Variants in SASS6 observed in about 807,000 individuals in gnomAD.
SASS6 encodes SAS-6 centriolar assembly protein.
A neutral mutation model predicts 94.9 loss-of-function variants in SASS6; 59 were observed. That is an observed-to-expected ratio of 0.62 (90% confidence interval 0.50 to 0.77). SASS6 has a LOEUF of 0.77. Among genes scored for constraint, SASS6 ranks in the 30% least tolerant of loss-of-function variants. The pLI is 0.00. For missense variants in SASS6, 698 were observed against 734.1 expected, an observed-to-expected ratio of 0.95 and a Z score of 0.57; for synonymous variants, 264 against 270.0, an observed-to-expected ratio of 0.98 and a Z score of 0.22.
intron 7 of SASS6, among the ~76,000 whole-genome samples, chr1:100,113,549 A>T (rs1200822987): frequency 6.6e-6 from 1 of 151,488 alleles, no homozygotes; most frequent in Non-Finnish European, 1.5e-5. Context: ...TGAACCCGGG[A>T]GGCAGAGCTT....
chr1:100,121,727 A>G (rs1397252742), intron 4 of SASS6, among the ~76,000 whole-genome samples, 178 bp from the exon 5 acceptor site: 2 of 152,330 alleles, frequency 1.3e-5, no homozygotes, highest in East Asian at 1.9e-4. Flanking sequence ...GTGACTACAT[A>G]AAAGTCCATG....
intron 13 of SASS6, 111 bp from the exon 14 acceptor site, chr1:100,103,194 T>A: frequency 1.6e-6 from 1 of 639,802 alleles, no homozygotes; most frequent in Non-Finnish European, 2.7e-6. Flanking sequence ...AAGAGAGCAC[T>A]ATCTCAGACG....
intron 10 of SASS6, 21 bp downstream of exon 10, chr1:100,107,607 T>C: frequency 1.3e-6 from 2 of 1,562,124 alleles, no homozygotes; most frequent in East Asian, 4.5e-5. Flanking sequence ...AATACTAGTC[T>C]ATAAAATTTT....
At chr1:100,129,158 G>A (rs1254699134) in intron 1 of SASS6, among the ~76,000 whole-genome samples, 1 of 151,694 alleles carries the variant, frequency 6.6e-6, no homozygotes, top group Non-Finnish European at 1.5e-5. Context: ...GAGAGCTTAA[G>A]ACCAAGAGTT....
At chr1:100,119,169 T>C (rs754540901) in intron 6 of SASS6, 32 bp from the exon 7 acceptor site, 4 of 1,245,498 alleles carry the variant, frequency 3.2e-6, no homozygotes, top group South Asian at 3.3e-5. Flanking sequence ...AATATTAAGA[T>C]AGGCTCCTTA....
chr1:100,126,784 A>T (rs2101693727), intron 1 of SASS6, among the ~76,000 whole-genome samples: 1 of 152,344 alleles, frequency 6.6e-6, no homozygotes, highest in Admixed American at 6.5e-5. Context: ...AAAATAAAAT[A>T]AAATAAAATA....
Position 100,122,549 on chromosome 1 carries a change from C to CTTTTT in SASS6, c.207-70_207-66dup, listed in dbSNP as rs71075469. ...AATTAACTTTGTTTTGTTTTGGTGC[C>CTTTTT]TTTTTTTTTTTTTTTTTTTTTGAGA... On this transcript the variant is annotated intron_variant, in intron 3 of 16. Transcript: ENST00000287482. The CTTTTT allele has an allele frequency of 7.9e-4, 176 of 224,008 alleles. 5 individuals carry two copies. Among genetic ancestry groups the CTTTTT allele is most frequent in the African/African-American group, 2.2e-3 (63 of 28,922 alleles). 13.9% of individuals were successfully genotyped at this position (224,008 alleles called of 1,614,324 possible). A position where few individuals can be genotyped will look rare whatever the true frequency, so the allele number is the denominator to read the frequency against.
At chr1:100,125,325 G>A (rs1654525048) in intron 2 of SASS6, among the ~76,000 whole-genome samples, 1 of 150,198 alleles carries the variant, frequency 6.7e-6, no homozygotes, top group African/African-American at 2.4e-5. Flanking sequence ...ACTTCTAAGT[G>A]CACTGGGCAA....
intron 14 of SASS6, among the ~76,000 whole-genome samples, chr1:100,102,703 T>C (rs1652592522): frequency 6.7e-6 from 1 of 148,268 alleles, no homozygotes; most frequent in African/African-American, 2.5e-5. Flanking sequence ...AAGGAGAGGT[T>C]GAGTAGAAAT....
intron 1 of SASS6, among the ~76,000 whole-genome samples, chr1:100,127,870 A>G (rs535534813): frequency 3.5e-4 from 54 of 152,142 alleles, no homozygotes; most frequent in Non-Finnish European, 1.8e-4. Flanking sequence ...TTGTAAGATA[A>G]GTGGATTCAA....
At chr1:100,097,519 T>C (rs983552044) in intron 14 of SASS6, among the ~76,000 whole-genome samples, 1 of 152,100 alleles carries the variant, frequency 6.6e-6, no homozygotes, top group Non-Finnish European at 1.5e-5. Flanking sequence ...AAACACAGTA[T>C]ACTGAGTGAA....
chr1:100,120,522 A>G, intron 5 of SASS6, 63 bp from the exon 6 acceptor site: 2 of 756,092 alleles, frequency 2.6e-6, no homozygotes, highest in East Asian at 5.0e-5. Context: ...CATGCTACTC[A>G]AAGTATAGCA....
At chr1:100,132,151 C>T (rs1478119099) in intron 1 of SASS6, among the ~76,000 whole-genome samples, 1 of 152,130 alleles carries the variant, frequency 6.6e-6, no homozygotes, top group African/African-American at 2.4e-5. Context: ...ATTCCCAGTG[C>T]CCAGTAAGGT....
chr1:100,091,587 G>A (rs1000622150), intron 14 of SASS6, among the ~76,000 whole-genome samples: 8 of 144,038 alleles, frequency 5.6e-5, no homozygotes, highest in African/African-American at 1.3e-4. Flanking sequence ...CATTATAACC[G>A]TGCTCTAATA....
chr1:100,132,529 G>A (rs759963958), intron 1 of SASS6, among the ~76,000 whole-genome samples: 2 of 152,096 alleles, frequency 1.3e-5, no homozygotes, highest in African/African-American at 2.4e-5. Flanking sequence ...CTTGATGTGA[G>A]CCGGCTTCCT....
At chr1:100,093,174 CTTTTTTT>C (rs909537970) in intron 14 of SASS6, among the ~76,000 whole-genome samples, 33 of 87,412 alleles carry the variant, frequency 3.8e-4, no homozygotes, top group East Asian at 1.9e-3. Context: ...CTATTGTTTT[CTTTTTTT>C]TTTTTTTTTT....
intron 14 of SASS6, among the ~76,000 whole-genome samples, 180 bp downstream of exon 14, chr1:100,102,775 T>C (rs1425502843): frequency 6.6e-6 from 1 of 151,596 alleles, no homozygotes; most frequent in African/African-American, 2.4e-5. Context: ...AAGAAATATA[T>C]AGTGCATATA....
intron 7 of SASS6, among the ~76,000 whole-genome samples, chr1:100,113,481 C>T (rs1478194317): frequency 1.3e-5 from 2 of 151,870 alleles, no homozygotes; most frequent in African/African-American, 4.8e-5. Flanking sequence ...ATCAGCCAGG[C>T]GTGGTGGCAG....
intron 12 of SASS6, among the ~76,000 whole-genome samples, chr1:100,106,524 A>G (rs1420167362): frequency 6.6e-6 from 1 of 152,186 alleles, no homozygotes; most frequent in Non-Finnish European, 1.5e-5. Flanking sequence ...GTCTACTTTT[A>G]TGAATTCGAA....
Sources: gnomAD v4.1 joint callset for allele counts (sites outside exome capture counted in the v4.1 genomes callset) on GRCh38, gnomAD v4.1.1 for gene constraint, MANE v1.5 for transcripts, NCBI Gene and HGNC (gene_info 2026-07-23, HGNC 2026-07-21) for gene names.